Variants in MYO1D observed in about 807,000 individuals in gnomAD.
MYO1D encodes myosin ID.
A neutral mutation model predicts 122.0 loss-of-function variants in MYO1D; 83 were observed. That is an observed-to-expected ratio of 0.68 (90% CI 0.57 to 0.82). The LOEUF is 0.82. Among genes scored for constraint, MYO1D ranks in the 40% least tolerant of loss-of-function variants. The pLI is 0.00. For synonymous variants in MYO1D, 464 were observed against 446.9 expected (o/e 1.04, Z -0.48); for missense variants, 1,157 against 1,269.5 (o/e 0.91, Z 1.35).
intron 15 of MYO1D, among the ~76,000 whole-genome samples, chr17:32,717,775 C>T (rs1280623410): frequency 6.6e-6 from 1 of 152,208 alleles, no homozygotes; most frequent in Non-Finnish European, 1.5e-5. Context: ...TTCTTGGGAG[C>T]TATAATTATT....
intron 1 of MYO1D, among the ~76,000 whole-genome samples, chr17:32,844,379 G>C: frequency 6.9e-6 from 1 of 145,248 alleles, no homozygotes; most frequent in Admixed American, 7.0e-5. Flanking sequence ...TAGTATATAT[G>C]TGTATATATA....
At chr17:32,721,595 T>C (rs1246424442) in intron 14 of MYO1D, among the ~76,000 whole-genome samples, 1 of 152,234 alleles carries the variant, frequency 6.6e-6, no homozygotes, top group Non-Finnish European at 1.5e-5. Context: ...TTAATGTTAA[T>C]ATTATGTTAA....
chr17:32,654,791 C>T (rs566207058), intron 17 of MYO1D, among the ~76,000 whole-genome samples, 170 bp from the exon 18 acceptor site: 43 of 152,222 alleles, frequency 2.8e-4, no homozygotes, highest in Middle Eastern at 3.4e-3. Context: ...GATTCTTCTG[C>T]CTCAGCCTCC....
intron 21 of MYO1D, among the ~76,000 whole-genome samples, chr17:32,588,048 A>C (rs1423869374): frequency 6.6e-6 from 1 of 152,268 alleles, no homozygotes; most frequent in Non-Finnish European, 1.5e-5. Context: ...AATTTGGTAA[A>C]TTAGATGAAT....
At chr17:32,636,537 G>GTGGCTGCCCTTCTGAAGTTAGTTCCACC (rs2088101969) in intron 20 of MYO1D, among the ~76,000 whole-genome samples, 1 of 152,188 alleles carries the variant, frequency 6.6e-6, no homozygotes, top group Non-Finnish European at 1.5e-5. Context: ...CTCTGAAAAG[G>GTGGCTGCCCTTCTGAAGTTAGTTCCACC]TGGCTGCCCT....
intron 3 of MYO1D, among the ~76,000 whole-genome samples, chr17:32,777,440 A>G (rs1397013251): frequency 6.6e-6 from 1 of 152,040 alleles, no homozygotes; most frequent in Non-Finnish European, 1.5e-5. Context: ...CAATTAGGAA[A>G]ACAGTTTCTC....
intron 19 of MYO1D, among the ~76,000 whole-genome samples, chr17:32,653,530 T>C (rs548163738): frequency 1.2e-3 from 175 of 141,402 alleles, no homozygotes; most frequent in Non-Finnish European, 1.8e-3. Flanking sequence ...CACTTGAACC[T>C]GGGAAGCGGA....
At chr17:32,828,622 A>G (rs1306973047) in intron 1 of MYO1D, among the ~76,000 whole-genome samples, 1 of 152,038 alleles carries the variant, frequency 6.6e-6, no homozygotes, top group Non-Finnish European at 1.5e-5. Context: ...CAGGTTCCAA[A>G]TGTTCTCTCT....
chr17:32,672,455 G>T (rs989425027), intron 16 of MYO1D, among the ~76,000 whole-genome samples: 1 of 152,018 alleles, frequency 6.6e-6, no homozygotes, highest in Non-Finnish European at 1.5e-5. Flanking sequence ...TCATATATAC[G>T]CAGATAATTC....
At chr17:32,866,636 A>G (rs1040387596) in intron 1 of MYO1D, among the ~76,000 whole-genome samples, 9 of 152,248 alleles carry the variant, frequency 5.9e-5, no homozygotes, top group African/African-American at 2.2e-4. Context: ...TTGACTTTCT[A>G]AGGGGATTCT....
intron 21 of MYO1D, chr17:32,518,184 C>T (rs1909966182): frequency 5.2e-6 from 1 of 193,936 alleles, no homozygotes; most frequent in Non-Finnish European, 1.1e-5. Context: ...TTTCTTGTCC[C>T]CTTCTCATTT....
At chr17:32,683,953 G>A (rs1197912327) in intron 16 of MYO1D, among the ~76,000 whole-genome samples, 6 of 152,274 alleles carry the variant, frequency 3.9e-5, no homozygotes, top group Admixed American at 2.0e-4. Flanking sequence ...CTCGTGGTGC[G>A]CCGTTTTTTA....
At chr17:32,846,592 A>T (rs1272979010) in intron 1 of MYO1D, among the ~76,000 whole-genome samples, 1 of 152,242 alleles carries the variant, frequency 6.6e-6, no homozygotes, top group African/African-American at 2.4e-5. Flanking sequence ...AAGCAGACTG[A>T]TAATACAAAC....
intron 1 of MYO1D, among the ~76,000 whole-genome samples, chr17:32,866,600 A>C (rs2091126818): frequency 6.6e-6 from 1 of 152,226 alleles, no homozygotes. Context: ...ATTTACACTA[A>C]CATGCTTGTG....
At chr17:32,807,148 C>A (rs976878279) in intron 1 of MYO1D, among the ~76,000 whole-genome samples, 1 of 152,012 alleles carries the variant, frequency 6.6e-6, no homozygotes, top group Non-Finnish European at 1.5e-5. Flanking sequence ...AAAAAAATCA[C>A]AAAAATTAAT....
chr17:32,597,868 C>CAA (rs755415435), intron 21 of MYO1D, among the ~76,000 whole-genome samples: 288 of 61,818 alleles, frequency 4.7e-3, no homozygotes, highest in Middle Eastern at 0.012. Context: ...AACCCTGTCT[C>CAA]AAAAAAAAAA....
intron 19 of MYO1D, among the ~76,000 whole-genome samples, chr17:32,647,928 T>C (rs1003298680): frequency 2.6e-5 from 4 of 152,162 alleles, no homozygotes; most frequent in African/African-American, 9.7e-5. Context: ...CCTATCACAC[T>C]GAGGACTGGG....
At chr17:32,642,521 C>G (rs567670306) in intron 19 of MYO1D, among the ~76,000 whole-genome samples, 105 of 152,252 alleles carry the variant, frequency 6.9e-4, no homozygotes, top group African/African-American at 2.5e-3. Context: ...TTACCTTGGG[C>G]AGTATGGCCA....
Position 32,745,191 on chromosome 17 carries a change from T to C in MYO1D, c.1613+20A>G, listed in dbSNP as rs569006022. Reference sequence around the variant, plus strand: ...TCAATGAGCTTAATCTAGAGTTAATTAATAAAATTTCAATCTTACCTGTTA... The same window carrying C: ...TCAATGAGCTTAATCTAGAGTTAATCAATAAAATTTCAATCTTACCTGTTA... On this transcript the variant is annotated intron_variant, in intron 13 of 21. Transcript: ENST00000318217. The C allele has an allele frequency of 7.0e-6, 9 of 1,293,964 alleles. 1 individual carries two copies. The South Asian group carries it at 1.1e-4, about 16-fold the overall frequency. 80.2% of individuals were successfully genotyped at this position (1,293,964 alleles called of 1,614,324 possible).
Sources: allele counts gnomAD v4.1 joint callset (sites outside exome capture counted in the v4.1 genomes callset), GRCh38; gene constraint gnomAD v4.1.1; transcripts MANE v1.5; gene names NCBI Gene and HGNC (gene_info 2026-07-23, HGNC 2026-07-21).